The following EGFLAM variants were observed in gnomAD, a reference collection of about 807,000 sequenced individuals.
EGFLAM encodes pikachurin.
A neutral mutation model predicts 113.1 loss-of-function variants in EGFLAM; 79 were observed. The observed-to-expected ratio is 0.70, with a 90% CI of 0.58 to 0.84. The LOEUF (loss-of-function observed/expected upper bound fraction) is 0.84. Among genes scored for constraint, EGFLAM ranks in the 40% least tolerant of loss-of-function variants. EGFLAM has a pLI of 0.00. For missense variants in EGFLAM, 1,265 were observed against 1,291.6 expected (o/e 0.98, Z 0.32); for synonymous variants, 504 against 487.6 (o/e 1.03, Z -0.44).
intron 6 of EGFLAM, among the ~76,000 whole-genome samples, chr5:38,390,712 A>G (rs1740786469): frequency 6.6e-6 from 1 of 152,198 alleles, no homozygotes; most frequent in Non-Finnish European, 1.5e-5. Context: ...TATCATTATT[A>G]TTTTGAATTG....
chr5:38,275,058 T>A (rs1757854614), intron 1 of EGFLAM, among the ~76,000 whole-genome samples: 1 of 152,126 alleles, frequency 6.6e-6, no homozygotes, highest in Non-Finnish European at 1.5e-5. Context: ...TCTGTAAGAC[T>A]CGTGGTAACC....
intron 6 of EGFLAM, chr5:38,403,217 A>G (rs1741172996): frequency 6.5e-6 from 1 of 152,688 alleles, no homozygotes; most frequent in Non-Finnish European, 1.5e-5. Context: ...GATGTGTTCC[A>G]AGATTCCCAG....
chr5:38,346,416 C>G (rs1234391963), intron 3 of EGFLAM: 1 of 152,184 alleles, frequency 6.6e-6, no homozygotes, highest in Non-Finnish European at 1.5e-5. Context: ...TTGCCACTGA[C>G]TAAATCTTGA....
chr5:38,318,358 T>C (rs977482689), intron 1 of EGFLAM, among the ~76,000 whole-genome samples: 19 of 151,324 alleles, frequency 1.3e-4, no homozygotes, highest in African/African-American at 4.1e-4. Flanking sequence ...GTAGATAGTA[T>C]ACTATACTAA....
intron 1 of EGFLAM, among the ~76,000 whole-genome samples, chr5:38,264,561 G>C (rs1307666534): frequency 6.6e-6 from 1 of 152,122 alleles, no homozygotes; most frequent in Non-Finnish European, 1.5e-5. Context: ...CAGGGATCAG[G>C]GGTCATCCTG....
At chr5:38,345,549 G>C (rs547369268) in intron 3 of EGFLAM, 17 of 152,286 alleles carry the variant, frequency 1.1e-4, no homozygotes, top group Admixed American at 8.5e-4. Context: ...CACCAAGTAG[G>C]GGGTATTTTG....
At chr5:38,334,714 T>A (rs1456868134) in intron 1 of EGFLAM, among the ~76,000 whole-genome samples, 2 of 152,194 alleles carry the variant, frequency 1.3e-5, no homozygotes, top group Admixed American at 1.3e-4. Context: ...TGAGCAAAAA[T>A]TCTTTAAAAA....
intron 1 of EGFLAM, among the ~76,000 whole-genome samples, chr5:38,262,394 A>G (rs894303442): frequency 6.6e-6 from 1 of 152,216 alleles, no homozygotes; most frequent in Non-Finnish European, 1.5e-5. Context: ...AAATTTCATC[A>G]AGTCTACAGT....
intron 1 of EGFLAM, among the ~76,000 whole-genome samples, chr5:38,337,314 A>C (rs1474531848): frequency 6.6e-6 from 1 of 152,232 alleles, no homozygotes; most frequent in Non-Finnish European, 1.5e-5. Flanking sequence ...GGACTGATTT[A>C]TCTACTGATG....
chr5:38,436,743 T>A (rs1321585338), intron 16 of EGFLAM, among the ~76,000 whole-genome samples: 5 of 152,228 alleles, frequency 3.3e-5, no homozygotes. Context: ...GGCCATGTCC[T>A]GTAGTGAACA....
intron 6 of EGFLAM, among the ~76,000 whole-genome samples, chr5:38,393,185 T>C (rs1047841509): frequency 2.0e-5 from 3 of 152,238 alleles, no homozygotes; most frequent in Admixed American, 1.3e-4. Flanking sequence ...TATAAACTAA[T>C]TTTGGAAGAA....
At position 38,311,009 on chromosome 5, in the gene EGFLAM, C is replaced by G. The variant is rs141735373; in HGVS notation, c.98-26511C>G. 2.7e-3 allele frequency among the ~76,000 whole-genome samples: 417 copies of G among 152,058 alleles called. 3 individuals carry two copies. Among genetic ancestry groups the G allele is most frequent in the African/African-American group, 9.7e-3 (401 of 41,460 alleles). Reference sequence around the variant, plus strand: ...CTGCGACCCTTCCTCTGCTTGGATCCTTGCCATTCCTTCTCCCACTTGGAA... The same window carrying G: ...CTGCGACCCTTCCTCTGCTTGGATCGTTGCCATTCCTTCTCCCACTTGGAA... On this transcript the variant is annotated intron_variant, in intron 1 of 21. Transcript: ENST00000322350.
chr5:38,362,299 T>C (rs2112015197), intron 5 of EGFLAM, among the ~76,000 whole-genome samples: 1 of 152,346 alleles, frequency 6.6e-6, no homozygotes, highest in South Asian at 2.1e-4. Flanking sequence ...CAAATTCATG[T>C]CTTAGAGCTC....
intron 6 of EGFLAM, among the ~76,000 whole-genome samples, chr5:38,385,406 T>C (rs1740635598): frequency 6.6e-6 from 1 of 151,954 alleles, no homozygotes; most frequent in Non-Finnish European, 1.5e-5. Flanking sequence ...TAAATATTTA[T>C]CTCTAGATTA....
At chr5:38,412,729 G>T (rs149878766) in intron 11 of EGFLAM, 81 bp downstream of exon 11, 3 of 1,524,160 alleles carry the variant, frequency 2.0e-6, no homozygotes, top group Non-Finnish European at 2.6e-6. Context: ...GCAGAGAGCC[G>T]TGGCAGAGTC....
At chr5:38,392,628 T>C (rs1561064372) in intron 6 of EGFLAM, among the ~76,000 whole-genome samples, 15 of 145,760 alleles carry the variant, frequency 1.0e-4, no homozygotes. Flanking sequence ...TTCTTTTTTT[T>C]TGGGGGGGCG....
chr5:38,312,392 C>A (rs929697549), intron 1 of EGFLAM, among the ~76,000 whole-genome samples: 1 of 152,172 alleles, frequency 6.6e-6, no homozygotes, highest in Non-Finnish European at 1.5e-5. Flanking sequence ...CAGGCGCCTG[C>A]CACCTCGCCT....
At chr5:38,334,356 G>T (rs2961886) in intron 1 of EGFLAM, among the ~76,000 whole-genome samples, 49,867 of 152,068 alleles carry the variant, frequency 0.33, 9,955 homozygotes, top group African/African-American at 0.56. Context: ...TAAGACCAAG[G>T]CACCAACAGA....
Position 38,370,510 on chromosome 5 carries a change from G to A in EGFLAM, c.712+48G>A, listed in dbSNP as rs768384048. On this transcript the variant is annotated intron_variant, in intron 6 of 21. Coordinates refer to ENST00000322350, the MANE Select transcript of EGFLAM (RefSeq NM_152403.4). The stretch of plus-strand genomic sequence containing the variant: ...GGGACCAAGGGAGCTGCATATCTGG[G>A]CTTGCCTCATGAAGACTCACTTGAC... 3.8e-6 allele frequency: 6 copies of A among 1,583,036 alleles called. No individual in the cohort carries two copies. The East Asian group carries it at 1.1e-4, about 30-fold the overall frequency.
Sources: gnomAD v4.1 joint callset for allele counts (sites outside exome capture counted in the v4.1 genomes callset) on GRCh38, gnomAD v4.1.1 for gene constraint, MANE v1.5 for transcripts, NCBI Gene and HGNC (gene_info 2026-07-23, HGNC 2026-07-21) for gene names.